Variants in PLCB1 observed in about 807,000 individuals in gnomAD.
PLCB1 encodes phospholipase C beta 1.
PLCB1 carries 46 observed loss-of-function variants against 161.8 expected under a neutral mutation model. The ratio of observed to expected loss-of-function variants is 0.28; its 90% CI spans 0.22 to 0.36. The LOEUF (loss-of-function observed/expected upper bound fraction) is 0.36. Ranked by LOEUF, PLCB1 falls within the 10% of genes least tolerant of loss-of-function variation. The pLI is 1.00. For synonymous variants in PLCB1, 517 were observed against 503.7 expected (o/e 1.03, Z -0.35); for missense variants, 1,016 against 1,472.5 (o/e 0.69, Z 5.07).
At chr20:8,681,150 C>T (rs1026363563) in intron 9 of PLCB1, among the ~76,000 whole-genome samples, 4 of 134,928 alleles carry the variant, frequency 3.0e-5, no homozygotes, top group South Asian at 2.3e-4. Flanking sequence ...CTCATAGCCT[C>T]CTTTGACCTG....
At position 8,881,628 on chromosome 20, in the gene PLCB1, G is replaced by A; in HGVS notation, c.3430G>A (p.Val1144Met). 6.2e-7 allele frequency: 1 copy of A among 1,613,016 alleles called. No homozygotes were observed. The highest frequency in any genetic ancestry group is 8.5e-7 in the Non-Finnish European group (1 of 1,179,054). The change falls in exon 32 of 32, where the codon GTG becomes ATG. Residue 1144 changes from valine (V) to methionine (M), a missense_variant. Physicochemically the swap from Val to Met is conservative, Grantham distance 21. Around this residue, in one of 10 missense-constraint regions of PLCB1, gnomAD observed 398 missense variants for 445.4 expected, o/e 0.89. Coordinates refer to ENST00000338037, the MANE Select transcript of PLCB1 (RefSeq NM_015192.4). ...CCCTCTTGATGTCTCTCAGCTGCAG[G>A]TGGAGCTGGAGCAAGAATACCAAGA... is the stretch of plus-strand genomic sequence containing the variant. The part of the protein sequence containing the change: ...QILDEKPKLQ[V>M]ELEQEYQDKF...
At chr20:8,273,670 A>T (rs1486761266) in intron 2 of PLCB1, among the ~76,000 whole-genome samples, 1 of 152,180 alleles carries the variant, frequency 6.6e-6, no homozygotes, top group Non-Finnish European at 1.5e-5. Context: ...GCTCCTCTGG[A>T]ATATTGTATT....
chr20:8,292,213 T>G (rs1983415869), intron 2 of PLCB1, among the ~76,000 whole-genome samples: 1 of 152,020 alleles, frequency 6.6e-6, no homozygotes, highest in African/African-American at 2.4e-5. Context: ...AACTCTAGGG[T>G]CGAATGGGGA....
chr20:8,575,723 C>T (rs1048305448), intron 3 of PLCB1, among the ~76,000 whole-genome samples: 2 of 152,180 alleles, frequency 1.3e-5, no homozygotes, highest in African/African-American at 2.4e-5. Flanking sequence ...TCAACTTCAG[C>T]GTGAAATCAT....
At chr20:8,809,022 G>A (rs747289080) in intron 31 of PLCB1, among the ~76,000 whole-genome samples, 1 of 152,034 alleles carries the variant, frequency 6.6e-6, no homozygotes, top group Admixed American at 6.5e-5. Context: ...TTTTAAGACA[G>A]GGTCTCACTG....
intron 9 of PLCB1, among the ~76,000 whole-genome samples, chr20:8,677,128 T>G (rs1029617956): frequency 1.3e-5 from 2 of 152,154 alleles, no homozygotes; most frequent in African/African-American, 4.8e-5. Context: ...GCATGTTGGC[T>G]CAGGCCTGTA....
At chr20:8,664,599 C>G (rs1245506148) in intron 9 of PLCB1, among the ~76,000 whole-genome samples, 1 of 152,020 alleles carries the variant, frequency 6.6e-6, no homozygotes, top group Non-Finnish European at 1.5e-5. Context: ...TTAGTTGAGA[C>G]TCCTTCAGTT....
chr20:8,560,882 A>C (rs1393811282), intron 3 of PLCB1, among the ~76,000 whole-genome samples: 3 of 152,058 alleles, frequency 2.0e-5, no homozygotes, highest in Admixed American at 6.6e-5. Context: ...AATAATAAGT[A>C]AAATGGGTGG....
At chr20:8,513,505 A>G (rs1490976222) in intron 3 of PLCB1, among the ~76,000 whole-genome samples, 1 of 152,266 alleles carries the variant, frequency 6.6e-6, no homozygotes, top group Non-Finnish European at 1.5e-5. Context: ...GAAGTGTGCT[A>G]GAATATATTG....
chr20:8,635,809 A>T (rs985586738), intron 4 of PLCB1, among the ~76,000 whole-genome samples: 18 of 152,218 alleles, frequency 1.2e-4, no homozygotes, highest in African/African-American at 4.3e-4. Flanking sequence ...GGTTCTGCTA[A>T]GGCCACCTCC....
chr20:8,348,128 A>C (rs1025005166), intron 2 of PLCB1, among the ~76,000 whole-genome samples: 1 of 152,202 alleles, frequency 6.6e-6, no homozygotes, highest in Non-Finnish European at 1.5e-5. Context: ...GTTTGTAGTC[A>C]TGACTACAAA....
Position 8,765,336 on chromosome 20 carries a change from G to A in PLCB1, c.2908G>A (p.Ala970Thr), listed in dbSNP as rs763567304. The A allele has an allele frequency of 1.5e-5, 24 of 1,609,920 alleles. No individual in the cohort carries two copies. Among genetic ancestry groups the A allele is most frequent in the East Asian group, 6.7e-5 (3 of 44,872 alleles). The change falls in exon 26 of 32, where the codon GCC becomes ACC. Residue 970 changes from alanine (A) to threonine (T), a missense_variant. Coordinates refer to ENST00000338037, the MANE Select transcript of PLCB1 (RefSeq NM_015192.4). The stretch of plus-strand genomic sequence containing the variant: ...AAGGAGAGCCGCTTTGGAAAAGTCC[G>A]CCAAAAAGGACAGTAAGAAAAAGTA... ...LRRRAALEKS[A>T]KKDSKKKSEP...
intron 2 of PLCB1, among the ~76,000 whole-genome samples, chr20:8,247,271 G>T (rs1216972448): frequency 6.6e-6 from 1 of 151,740 alleles, no homozygotes; most frequent in East Asian, 2.0e-4. Context: ...TTATTTCTTG[G>T]CCCTCAGCCA....
intron 11 of PLCB1, among the ~76,000 whole-genome samples, chr20:8,707,332 G>A (rs1978742010): frequency 1.3e-5 from 2 of 151,978 alleles, no homozygotes; most frequent in African/African-American, 4.8e-5. Context: ...AAAGGCTCAG[G>A]CATAAAGAAT....
rs372498815 is a variant in PLCB1 at position 8,538,656 on chromosome 20, T to A, written c.247-89638T>A. 2.1e-4 allele frequency among the ~76,000 whole-genome samples: 32 copies of A among 151,616 alleles called. No homozygotes were observed. In the South Asian group the frequency reaches 3.6e-3, roughly 17 times the overall value. On this transcript the variant is annotated intron_variant, in intron 3 of 31. Transcript: ENST00000338037. ...GAGCCACTGTGCCCAGCTGATAAGG[T>A]ACTCTTTTATGTCAGACATATTAAA...
chr20:8,850,515 T>C (rs1302948580), intron 31 of PLCB1, among the ~76,000 whole-genome samples: 1 of 152,244 alleles, frequency 6.6e-6, no homozygotes, highest in Non-Finnish European at 1.5e-5. Context: ...AAAGTTGCTA[T>C]GGTTTGAATA....
chr20:8,718,469 C>T (rs978112385), intron 14 of PLCB1, among the ~76,000 whole-genome samples: 61 of 152,280 alleles, frequency 4.0e-4, no homozygotes, highest in Admixed American at 2.5e-3. Flanking sequence ...CTTGCTTTTT[C>T]CAGCTTCTAG....
chr20:8,537,799 T>C (rs947627220), intron 3 of PLCB1, among the ~76,000 whole-genome samples: 4 of 152,214 alleles, frequency 2.6e-5, no homozygotes, highest in African/African-American at 9.6e-5. Context: ...CAGAGGAAAT[T>C]TGGAAATGTT....
chr20:8,367,637 C>T (rs958649549), intron 2 of PLCB1, among the ~76,000 whole-genome samples: 1 of 152,094 alleles, frequency 6.6e-6, no homozygotes, highest in African/African-American at 2.4e-5. Flanking sequence ...GTCTCTCTCT[C>T]AAAGAAAGGA....
Sources: allele counts gnomAD v4.1 joint callset (sites outside exome capture counted in the v4.1 genomes callset), GRCh38; gene constraint gnomAD v4.1.1; regional missense constraint gnomAD v4.1.1; transcripts MANE v1.5; gene names NCBI Gene and HGNC (gene_info 2026-07-23, HGNC 2026-07-21).